Variants in STK33 observed in about 807,000 individuals in gnomAD.
STK33 encodes serine/threonine kinase 33.
Under a neutral mutation model 58.0 loss-of-function variants are expected in STK33, and 52 were observed. The observed-to-expected ratio is 0.90, with a 90% CI of 0.72 to 1.13. The LOEUF is 1.13. STK33 is among the 50% of genes most tolerant of loss of function. STK33 has a pLI of 0.00. For missense variants in STK33, 630 were observed against 604.2 expected (o/e 1.04, Z -0.45); for synonymous variants, 215 against 200.1 (o/e 1.07, Z -0.63).
At chr11:8,547,052 T>A (rs1386048866) in intron 1 of STK33, among the ~76,000 whole-genome samples, 1 of 152,226 alleles carries the variant, frequency 6.6e-6, no homozygotes. Flanking sequence ...GGCTTCTCCC[T>A]TTCTCCACAT....
intron 15 of STK33, among the ~76,000 whole-genome samples, chr11:8,396,144 C>T (rs751403165): frequency 3.3e-5 from 5 of 152,104 alleles, no homozygotes; most frequent in Admixed American, 1.3e-4. Context: ...GCTCTTATCG[C>T]CCAAGCTGGA....
chr11:8,396,912 G>T (rs967591512), intron 15 of STK33, among the ~76,000 whole-genome samples: 2 of 152,332 alleles, frequency 1.3e-5, no homozygotes, highest in South Asian at 4.1e-4. Context: ...ACGAGGCTGG[G>T]AGAGGGGCGC....
intron 15 of STK33, among the ~76,000 whole-genome samples, chr11:8,397,821 C>T (rs538911237): frequency 2.9e-4 from 39 of 133,628 alleles, no homozygotes; most frequent in African/African-American, 1.1e-3. Flanking sequence ...AATGCATAAG[C>T]CTCAGTAGCC....
chr11:8,529,624 C>T (rs1314293731), intron 1 of STK33, among the ~76,000 whole-genome samples: 1 of 151,800 alleles, frequency 6.6e-6, no homozygotes, highest in Non-Finnish European at 1.5e-5. Context: ...TCACAAGGAT[C>T]CCTATAAGGA....
intron 1 of STK33, among the ~76,000 whole-genome samples, chr11:8,492,993 C>T (rs1950750313): frequency 6.6e-6 from 1 of 152,066 alleles, no homozygotes; most frequent in African/African-American, 2.4e-5. Context: ...CAAGAGAAAG[C>T]AGGAAAGATC....
At chr11:8,391,021 G>T (rs1249152440), downstream of STK33, among the ~76,000 whole-genome samples, 2 of 152,178 alleles carry the variant, frequency 1.3e-5, no homozygotes, top group Non-Finnish European at 2.9e-5. Flanking sequence ...CCGTGCACTA[G>T]GTCCCTGCTT....
chr11:8,338,023 C>T, the STK33 span, among the ~76,000 whole-genome samples: 1 of 152,178 alleles, frequency 6.6e-6, no homozygotes, highest in Non-Finnish European at 1.5e-5. Flanking sequence ...TGTTTCTTTT[C>T]CTTGCTTGTG....
chr11:8,404,006 A>G (rs1938619199), intron 15 of STK33, among the ~76,000 whole-genome samples: 1 of 152,250 alleles, frequency 6.6e-6, no homozygotes, highest in Non-Finnish European at 1.5e-5. Flanking sequence ...CTAGAGTCAC[A>G]CATTCAAATT....
chr11:8,430,060 G>A lies in STK33; in HGVS notation c.1146+5434C>T, dbSNP rs1221733711. Among the ~76,000 whole-genome samples the A allele has an allele frequency of 2.0e-5, 3 of 152,156 alleles. No individual in the cohort carries two copies. The East Asian group carries it at 5.8e-4, about 29-fold the overall frequency. On this transcript the variant is annotated intron_variant, in intron 14 of 15. Coordinates refer to ENST00000687296, the MANE Select transcript of STK33 (RefSeq NM_001352389.2). ...CTCACACAAGCACAGCAGCAATCAT[G>A]GCACTTGAGTGCCTTTCAGTAGTAA...
In STK33 at chr11:8,401,965, A is replaced by C. The variant is rs567593624; in HGVS notation, c.1345-9255T>G. ...GGCGATCATTAAAAAGTCAGGAAAC[A>C]ACAGGTGCTGGAGAAGATGTGGAGA... On this transcript the variant is annotated intron_variant, in intron 15 of 15. Transcript: ENST00000687296. Among the ~76,000 whole-genome samples, 40 of 152,284 alleles carry C rather than the reference A, an allele frequency of 2.6e-4. 1 individual carries two copies. Among genetic ancestry groups the C allele is most frequent in the African/African-American group, 9.6e-4 (40 of 41,554 alleles).
downstream of STK33, among the ~76,000 whole-genome samples, chr11:8,387,613 G>C (rs924346028): frequency 7.2e-5 from 11 of 152,152 alleles, no homozygotes; most frequent in Admixed American, 2.6e-4. Flanking sequence ...ACTCTGAAAG[G>C]GGGTTTTAGT....
intron 1 of STK33, among the ~76,000 whole-genome samples, chr11:8,527,017 G>C (rs1303147556): frequency 1.3e-5 from 2 of 149,012 alleles, no homozygotes; most frequent in African/African-American, 2.5e-5. Flanking sequence ...TGTTGCCCAG[G>C]CTGGCGTGCA....
the STK33 span, among the ~76,000 whole-genome samples, chr11:8,344,915 G>C: frequency 6.6e-6 from 1 of 152,200 alleles, no homozygotes; most frequent in South Asian, 2.1e-4. Context: ...CCCAGTCCCT[G>C]GTCTTCTCAG....
At chr11:8,462,639 G>C (rs1257123092) in intron 7 of STK33, among the ~76,000 whole-genome samples, 1 of 151,928 alleles carries the variant, frequency 6.6e-6, no homozygotes, top group Admixed American at 6.6e-5. Context: ...GAGAGAGAGA[G>C]AGAGATCTTG....
intron 1 of STK33, among the ~76,000 whole-genome samples, chr11:8,505,191 T>C (rs1178563289): frequency 6.6e-6 from 1 of 152,258 alleles, no homozygotes; most frequent in African/African-American, 2.4e-5. Flanking sequence ...GAAACTCTTA[T>C]TCAGTGCTTA....
At chr11:8,431,030 C>T (rs1326823734) in intron 14 of STK33, among the ~76,000 whole-genome samples, 1 of 151,992 alleles carries the variant, frequency 6.6e-6, no homozygotes, top group Non-Finnish European at 1.5e-5. Flanking sequence ...CCACGCCTGG[C>T]TAATTTTTGT....
intron 11 of STK33, among the ~76,000 whole-genome samples, chr11:8,447,652 T>C (rs1057196336): frequency 2.0e-5 from 3 of 152,180 alleles, no homozygotes; most frequent in African/African-American, 7.2e-5. Context: ...TAATAAGAGC[T>C]ATCTATGACA....
Position 8,401,551 on chromosome 11 carries a change from T to C in STK33, c.1345-8841A>G, listed in dbSNP as rs573870720. ...AACCTAGGCAATACCATTCAGGACA[T>C]AGGCATGGGCAAGGACTTCATGTCT... On this transcript the variant is annotated intron_variant, in intron 15 of 15. Coordinates refer to ENST00000687296, the MANE Select transcript of STK33 (RefSeq NM_001352389.2). 6.4e-3 allele frequency among the ~76,000 whole-genome samples: 972 copies of C among 152,274 alleles called. 19 individuals carry two copies. Among genetic ancestry groups the C allele is most frequent in the East Asian group, 0.046 (239 of 5,186 alleles).
intron 1 of STK33, among the ~76,000 whole-genome samples, chr11:8,572,037 AAATT>A (rs1007906171): frequency 0.024 from 158 of 6,682 alleles, 39 homozygotes; most frequent in African/African-American, 0.099. Context: ...TTTAAAAAAT[AAATT>A]AATTAATTAA....
Sources: allele counts gnomAD v4.1 joint callset (sites outside exome capture counted in the v4.1 genomes callset), GRCh38; gene constraint gnomAD v4.1.1; transcripts MANE v1.5; gene names NCBI Gene and HGNC (gene_info 2026-07-23, HGNC 2026-07-21).